SYT1: variants seen among roughly 807,000 people sequenced by gnomAD.
SYT1 encodes synaptotagmin 1, also known as synaptotagmin-1.
In SYT1, 8 loss-of-function variants were observed where a neutral mutation model predicts 44.8. The observed-to-expected ratio is 0.18, with a 90% CI of 0.10 to 0.32. The LOEUF is 0.32. Ranked by LOEUF, SYT1 falls within the 10% of genes least tolerant of loss-of-function variation. The pLI, the probability that SYT1 is intolerant of heterozygous loss-of-function variation, is 1.00. For synonymous variants in SYT1, 154 were observed against 188.8 expected (o/e 0.82, Z 1.51); for missense variants, 286 against 509.3 (o/e 0.56, Z 4.22).
chr12:78,938,805 G>A (rs536575162), intron 1 of SYT1, among the ~76,000 whole-genome samples: 10 of 152,324 alleles, frequency 6.6e-5, no homozygotes, highest in Admixed American at 3.3e-4. Flanking sequence ...AACAGCTGCC[G>A]TCTTTGTGTA....
chr12:78,864,243 C>T (rs1353751105), upstream of SYT1: 5 of 152,338 alleles, frequency 3.3e-5, no homozygotes, highest in East Asian at 7.7e-4. Flanking sequence ...CTCCTGTCCC[C>T]GGTCCCAGCT....
intron 1 of SYT1, among the ~76,000 whole-genome samples, chr12:78,975,096 C>G (rs1423196799): frequency 6.6e-6 from 1 of 151,254 alleles, no homozygotes; most frequent in African/African-American, 2.4e-5. Context: ...CGCCCACCCC[C>G]ACCTCCCTGA....
chr12:79,341,030 A>G (rs1003465173), intron 8 of SYT1, among the ~76,000 whole-genome samples: 2 of 152,134 alleles, frequency 1.3e-5, no homozygotes, highest in African/African-American at 4.8e-5. Flanking sequence ...AGCATTGAAA[A>G]AGCTTCTTAG....
chr12:79,291,894 T>C, intron 5 of SYT1, 114 bp from the exon 6 acceptor site: 1 of 1,254,316 alleles, frequency 8.0e-7, no homozygotes, highest in Non-Finnish European at 1.2e-6. Context: ...CAAACAGATT[T>C]CCAGCATCTT....
chr12:78,964,954 G>C (rs1390464192), intron 1 of SYT1, among the ~76,000 whole-genome samples: 1 of 151,784 alleles, frequency 6.6e-6, no homozygotes, highest in Non-Finnish European at 1.5e-5. Flanking sequence ...ATAAAATACT[G>C]ATGTAAATAA....
chr12:79,133,675 A>C (rs1012614906), intron 3 of SYT1, among the ~76,000 whole-genome samples: 1 of 152,216 alleles, frequency 6.6e-6, no homozygotes, highest in Non-Finnish European at 1.5e-5. Context: ...ACAATATGGA[A>C]GAAAAACCAC....
intron 3 of SYT1, among the ~76,000 whole-genome samples, chr12:79,116,971 T>C (rs1266721022): frequency 6.6e-6 from 1 of 152,152 alleles, no homozygotes; most frequent in Non-Finnish European, 1.5e-5. Context: ...GAAGCACTGA[T>C]GTAGAGATTG....
intron 4 of SYT1, among the ~76,000 whole-genome samples, chr12:79,277,714 T>C (rs1382805333): frequency 3.9e-5 from 6 of 151,976 alleles, no homozygotes; most frequent in Non-Finnish European, 7.4e-5. Flanking sequence ...TTAAAAGATA[T>C]AGGTTGGCAG....
chr12:79,202,851 A>G (rs1356864215), intron 3 of SYT1, among the ~76,000 whole-genome samples: 4 of 152,240 alleles, frequency 2.6e-5, no homozygotes, highest in Non-Finnish European at 1.5e-5. Flanking sequence ...TAATTTTCTT[A>G]TAATTCACAT....
chr12:78,916,015 C>G (rs995793638), intron 1 of SYT1, among the ~76,000 whole-genome samples: 1 of 151,944 alleles, frequency 6.6e-6, no homozygotes, highest in Non-Finnish European at 1.5e-5. Flanking sequence ...AGACTTTAAT[C>G]GGATGTTTTT....
chr12:78,931,980 C>G (rs560388522), intron 1 of SYT1, among the ~76,000 whole-genome samples: 2 of 137,408 alleles, frequency 1.5e-5, no homozygotes, highest in African/African-American at 2.8e-5. Context: ...ACATGACTAT[C>G]CTAAAGATGA....
In SYT1 at chr12:79,274,209, G is replaced by A. The variant is rs557799302; in HGVS notation, c.167-11578G>A. ...AAGTGTGCTCTTGCCACAGGTGCGG[G>A]AGCTGGACACCTCTGCTTTGCGGGT... On this transcript the variant is annotated intron_variant, in intron 4 of 10. Coordinates refer to ENST00000261205, the MANE Select transcript of SYT1 (RefSeq NM_005639.3). 1.1e-4 allele frequency among the ~76,000 whole-genome samples: 17 copies of A among 152,374 alleles called. No homozygotes were observed. The South Asian group carries it at 3.5e-3, about 32-fold the overall frequency.
At chr12:78,871,957 C>T (rs1280065616) in intron 1 of SYT1, among the ~76,000 whole-genome samples, 1 of 151,724 alleles carries the variant, frequency 6.6e-6, no homozygotes, top group Non-Finnish European at 1.5e-5. Context: ...TATGTATAAA[C>T]CAGATCATTC....
At chr12:79,379,320 C>T (rs1181847727) in intron 9 of SYT1, among the ~76,000 whole-genome samples, 2 of 151,882 alleles carry the variant, frequency 1.3e-5, no homozygotes, top group African/African-American at 4.8e-5. Flanking sequence ...TTTTTAAAAC[C>T]TCGGTCGAAA....
intron 4 of SYT1, among the ~76,000 whole-genome samples, chr12:79,246,352 A>G (rs1191881160): frequency 6.6e-6 from 1 of 152,162 alleles, no homozygotes; most frequent in Non-Finnish European, 1.5e-5. Flanking sequence ...TACCCCTTTC[A>G]TAAGTCCATT....
intron 2 of SYT1, among the ~76,000 whole-genome samples, chr12:78,978,784 G>A (rs892030102): frequency 4.6e-5 from 7 of 152,146 alleles, no homozygotes; most frequent in South Asian, 2.1e-4. Flanking sequence ...GTGAAGCTCT[G>A]TCTTTAAGAC....
intron 1 of SYT1, among the ~76,000 whole-genome samples, chr12:78,885,373 G>A (rs1181789291): frequency 4.0e-5 from 6 of 149,216 alleles, no homozygotes; most frequent in East Asian, 4.0e-4. Flanking sequence ...GGAAGGAAGG[G>A]AGGGAGGGAG....
chr12:79,402,589 A>G (rs1885109892), intron 9 of SYT1, among the ~76,000 whole-genome samples: 1 of 152,156 alleles, frequency 6.6e-6, no homozygotes, highest in Non-Finnish European at 1.5e-5. Context: ...CATCGATGCC[A>G]GAGGCAGGAA....
chr12:79,334,737 C>T (rs1457349800), intron 8 of SYT1, among the ~76,000 whole-genome samples: 1 of 152,154 alleles, frequency 6.6e-6, no homozygotes, highest in East Asian at 1.9e-4. Flanking sequence ...CATTTTTCTT[C>T]TTATGTCCAT....
Sources: gnomAD v4.1 joint callset for allele counts (sites outside exome capture counted in the v4.1 genomes callset) on GRCh38, gnomAD v4.1.1 for gene constraint, MANE v1.5 for transcripts, NCBI Gene and HGNC (gene_info 2026-07-23, HGNC 2026-07-21) for gene names.